Variants in DENND1B observed in about 807,000 individuals in gnomAD.
DENND1B encodes the protein DENN domain-containing protein 1B.
A neutral mutation model predicts 90.1 loss-of-function variants in DENND1B; 59 were observed. That is an observed-to-expected ratio of 0.65 (90% CI 0.53 to 0.81). DENND1B has a LOEUF of 0.81. DENND1B is among the 40% of genes least tolerant of loss of function. DENND1B has a pLI of 0.00. For synonymous variants in DENND1B, 337 were observed against 324.6 expected (o/e 1.04, Z -0.41); for missense variants, 862 against 912.6 (o/e 0.94, Z 0.71).
In DENND1B at chr1:197,740,667, T is replaced by C. The variant is rs944947809; in HGVS notation, c.83-25593A>G. Among the ~76,000 whole-genome samples the C allele has an allele frequency of 2.6e-5, 4 of 152,334 alleles. No individual in the cohort carries two copies. The South Asian group carries it at 8.3e-4, about 32-fold the overall frequency. ...GTTTAAATTACAAGGGGCTTTTGGA[T>C]AGTCTATAGCTTTTGTTTACCTGAA... On this transcript the variant is annotated intron_variant, in intron 2 of 22. Transcript: ENST00000620048.
At chr1:197,557,354 A>G (rs2125695301) in intron 15 of DENND1B, among the ~76,000 whole-genome samples, 1 of 152,062 alleles carries the variant, frequency 6.6e-6, no homozygotes, top group Admixed American at 6.6e-5. Context: ...AAGACTTGCT[A>G]AAAGGTTTTC....
At chr1:197,641,656 A>G (rs1192621881) in intron 10 of DENND1B, among the ~76,000 whole-genome samples, 1 of 152,116 alleles carries the variant, frequency 6.6e-6, no homozygotes, top group Admixed American at 6.6e-5. Flanking sequence ...TATTTTTTTC[A>G]ATTGTAGAGT....
intron 10 of DENND1B, among the ~76,000 whole-genome samples, chr1:197,627,444 C>T (rs777515610): frequency 9.2e-5 from 14 of 152,048 alleles, no homozygotes; most frequent in South Asian, 4.2e-4. Flanking sequence ...ATTATCTCAA[C>T]AGATGCAGAA....
At chr1:197,572,138 G>A (rs1327884954) in intron 15 of DENND1B, among the ~76,000 whole-genome samples, 2 of 152,114 alleles carry the variant, frequency 1.3e-5, no homozygotes, top group African/African-American at 4.8e-5. Flanking sequence ...AAGCACAAGG[G>A]GTTGGGGGAT....
chr1:197,754,691 G>C (rs1484827004), intron 2 of DENND1B, among the ~76,000 whole-genome samples: 2 of 92,124 alleles, frequency 2.2e-5, no homozygotes, highest in East Asian at 4.8e-4. Context: ...AAAAAAAACT[G>C]ATACAGTAAA....
chr1:197,780,781 T>C, the DENND1B span, among the ~76,000 whole-genome samples: 4 of 152,212 alleles, frequency 2.6e-5, no homozygotes, highest in African/African-American at 4.8e-5. Flanking sequence ...TGGTTCTGAC[T>C]ATAGTGTCAT....
intron 10 of DENND1B, among the ~76,000 whole-genome samples, chr1:197,621,265 GA>G (rs1413801312): frequency 6.6e-6 from 1 of 151,100 alleles, no homozygotes. Context: ...TATTTACCTG[GA>G]ACATTTGAGA....
chr1:197,733,482 G>GT (rs1231538002), intron 2 of DENND1B, among the ~76,000 whole-genome samples: 1 of 152,020 alleles, frequency 6.6e-6, no homozygotes, highest in African/African-American at 2.4e-5. Flanking sequence ...TTCCAGGAAA[G>GT]TTTTTTTTCC....
At chr1:197,651,316 A>C (rs1653139768) in intron 7 of DENND1B, among the ~76,000 whole-genome samples, 1 of 152,120 alleles carries the variant, frequency 6.6e-6, no homozygotes, top group South Asian at 2.1e-4. Flanking sequence ...AGCATTTACA[A>C]AAACTCCCAA....
chr1:197,768,170 GTCGTCCTCCTCC>G (rs889123171), intron 2 of DENND1B, among the ~76,000 whole-genome samples: 51 of 149,602 alleles, frequency 3.4e-4, no homozygotes, highest in African/African-American at 1.3e-3. Context: ...CCTCCTCTTC[GTCGTCCTCCTCC>G]TCGTCCTCCT....
rs1478429720 is a variant in DENND1B at position 197,508,479 on chromosome 1, T to A, written c.*1981A>T. On this transcript the variant is annotated 3_prime_UTR_variant, in exon 23 of 23. Transcript: ENST00000620048. ...TTTCCTTAATGTATACAGTCCATAC[T>A]TATAAGGGAAACAAGAATTGTCTTC... The A allele has an allele frequency of 1.3e-5, 2 of 151,766 alleles. No individual in the cohort carries two copies. The highest frequency in any genetic ancestry group is 2.9e-5 in the Non-Finnish European group (2 of 67,804). 9.4% of individuals were successfully genotyped at this position (151,766 alleles called of 1,614,324 possible).
intron 10 of DENND1B, among the ~76,000 whole-genome samples, chr1:197,632,799 T>G (rs763157441): frequency 4.1e-4 from 63 of 152,310 alleles, no homozygotes; most frequent in Non-Finnish European, 6.9e-4. Context: ...GGGTACCATA[T>G]GCCACTGAAT....
intron 15 of DENND1B, among the ~76,000 whole-genome samples, chr1:197,568,467 A>G (rs573928455): frequency 2.6e-5 from 4 of 152,152 alleles, no homozygotes; most frequent in African/African-American, 9.6e-5. Flanking sequence ...CCAAGGTTCC[A>G]ATGATATTTT....
At chr1:197,772,321 A>G (rs1333221480) in intron 2 of DENND1B, among the ~76,000 whole-genome samples, 1 of 152,234 alleles carries the variant, frequency 6.6e-6, no homozygotes, top group African/African-American at 2.4e-5. Flanking sequence ...TATGGGCTTA[A>G]CAACACACCT....
At chr1:197,642,901 G>A (rs1289062478) in intron 9 of DENND1B, 80 bp from the exon 10 acceptor site, 14 of 914,924 alleles carry the variant, frequency 1.5e-5, no homozygotes, top group Middle Eastern at 2.3e-4. Flanking sequence ...TTACCAGAAA[G>A]TCTTGAAGTT....
At chr1:197,578,856 C>T (rs2125760431) in intron 15 of DENND1B, among the ~76,000 whole-genome samples, 1 of 152,144 alleles carries the variant, frequency 6.6e-6, no homozygotes, top group Admixed American at 6.5e-5. Context: ...AAAAAAGTCC[C>T]TCCCTTTAAG....
intron 14 of DENND1B, among the ~76,000 whole-genome samples, chr1:197,592,284 T>A (rs902082680): frequency 2.0e-5 from 3 of 152,072 alleles, no homozygotes; most frequent in Non-Finnish European, 4.4e-5. Flanking sequence ...ATTTTCCTCA[T>A]CTTTAAAATA....
At chr1:197,764,494 T>A (rs1183247677) in intron 2 of DENND1B, among the ~76,000 whole-genome samples, 1 of 152,148 alleles carries the variant, frequency 6.6e-6, no homozygotes, top group African/African-American at 2.4e-5. Flanking sequence ...TTTATGAAAT[T>A]CACTGAATTA....
chr1:197,735,688 G>T (rs1662596298), intron 2 of DENND1B: 1 of 1,614,062 alleles, frequency 6.2e-7, no homozygotes, highest in Non-Finnish European at 8.5e-7. Flanking sequence ...CCCGGACACG[G>T]GAGGCGCTAC....
Sources: allele counts gnomAD v4.1 joint callset (sites outside exome capture counted in the v4.1 genomes callset), GRCh38; gene constraint gnomAD v4.1.1; transcripts MANE v1.5; gene names NCBI Gene and HGNC (gene_info 2026-07-23, HGNC 2026-07-21).